ATG4C: variants seen among roughly 807,000 people sequenced by gnomAD.
ATG4C encodes the protein autophagy related 4C cysteine peptidase, also known as cysteine protease ATG4C.
Under a neutral mutation model 57.6 loss-of-function variants are expected in ATG4C, and 56 were observed. The ratio of observed to expected loss-of-function variants is 0.97; its 90% CI spans 0.78 to 1.21. The LOEUF is 1.21. ATG4C is among the 50% of genes most tolerant of loss of function. The pLI, the probability that ATG4C is intolerant of heterozygous loss-of-function variation, is 0.00. For synonymous variants in ATG4C, 157 were observed against 174.1 expected (o/e 0.90, Z 0.78); for missense variants, 595 against 529.8 (o/e 1.12, Z -1.21).
chr1:62,822,321 C>T (rs1665507883), intron 6 of ATG4C, among the ~76,000 whole-genome samples: 1 of 151,876 alleles, frequency 6.6e-6, no homozygotes, highest in Admixed American at 6.6e-5. Flanking sequence ...GTAATTATAG[C>T]CATAGGAAAA....
At chr1:62,805,301 A>C in intron 3 of ATG4C, 46 bp downstream of exon 3, 1 of 1,460,544 alleles carries the variant, frequency 6.8e-7, no homozygotes, top group African/African-American at 1.5e-5. Context: ...TGTAGAAATC[A>C]TCATGTAACT....
rs1403273838 is a variant in ATG4C at position 62,849,614 on chromosome 1, T to C, written c.1209+8067T>C. On this transcript the variant is annotated intron_variant, in intron 10 of 10. Coordinates refer to ENST00000317868, the MANE Select transcript of ATG4C (RefSeq NM_032852.4). ...GCAACCTCTGCCTCCCGGATTCTAG[T>C]GATTCTCATGCCTCAGCCTCCTGAG... Among the ~76,000 whole-genome samples, 6 of 151,922 alleles carry C rather than the reference T, an allele frequency of 3.9e-5. No homozygotes were observed. The South Asian group carries it at 8.3e-4, about 21-fold the overall frequency.
intron 10 of ATG4C, among the ~76,000 whole-genome samples, chr1:62,856,911 T>A: frequency 6.6e-6 from 1 of 152,184 alleles, no homozygotes; most frequent in South Asian, 2.1e-4. Flanking sequence ...CATGTGTTAA[T>A]TTGGCTTACA....
At chr1:62,838,326 T>C (rs1666058740) in intron 9 of ATG4C, among the ~76,000 whole-genome samples, 2 of 152,144 alleles carry the variant, frequency 1.3e-5, no homozygotes, top group Non-Finnish European at 2.9e-5. Context: ...ATTTTAAAAA[T>C]TAAAAAAAAT....
chr1:62,804,753 C>T, intron 2 of ATG4C, among the ~76,000 whole-genome samples: 1 of 152,138 alleles, frequency 6.6e-6, no homozygotes, highest in East Asian at 1.9e-4. Context: ...GAAAAAAGCT[C>T]ATATTCATAA....
intron 6 of ATG4C, among the ~76,000 whole-genome samples, chr1:62,826,284 G>A (rs551484537): frequency 6.7e-6 from 1 of 149,974 alleles, no homozygotes; most frequent in South Asian, 2.1e-4. Context: ...CACCCAGGCT[G>A]GAGTGCAGTG....
intron 3 of ATG4C, among the ~76,000 whole-genome samples, chr1:62,814,875 G>A (rs1207695670): frequency 6.6e-6 from 1 of 152,066 alleles, no homozygotes; most frequent in Non-Finnish European, 1.5e-5. Flanking sequence ...GAACAGCTTG[G>A]CCAACATGGA....
chr1:62,800,195 T>G (rs1378624228), intron 1 of ATG4C, among the ~76,000 whole-genome samples: 4 of 152,212 alleles, frequency 2.6e-5, no homozygotes, highest in Non-Finnish European at 5.9e-5. Context: ...GTGGCCTTCT[T>G]TCTTTCAGAC....
At chr1:62,839,424 AT>A (rs1276210096) in intron 9 of ATG4C, among the ~76,000 whole-genome samples, 1 of 152,224 alleles carries the variant, frequency 6.6e-6, no homozygotes, top group African/African-American at 2.4e-5. Context: ...TCAAAAATAT[AT>A]TATTAGACCA....
chr1:62,784,595 C>T (rs12067646), intron 1 of ATG4C, among the ~76,000 whole-genome samples: 34,982 of 152,050 alleles, frequency 0.23, 5,279 homozygotes, highest in African/African-American at 0.43. Flanking sequence ...TTTGACCCCT[C>T]CTCATGCCAG....
At chr1:62,812,168 A>C (rs1665106850) in intron 3 of ATG4C, among the ~76,000 whole-genome samples, 1 of 152,198 alleles carries the variant, frequency 6.6e-6, no homozygotes, top group Non-Finnish European at 1.5e-5. Flanking sequence ...AACACAACAA[A>C]AAAAGAAAAT....
intron 9 of ATG4C, among the ~76,000 whole-genome samples, chr1:62,835,159 A>C (rs1665959059): frequency 6.6e-6 from 1 of 151,446 alleles, no homozygotes; most frequent in Non-Finnish European, 1.5e-5. Context: ...AACAGTACTG[A>C]AGAATTTAAA....
At chr1:62,803,684 T>G (rs1391791481) in intron 1 of ATG4C, 35 bp from the exon 2 acceptor site, 1 of 661,412 alleles carries the variant, frequency 1.5e-6, no homozygotes, top group Non-Finnish European at 2.5e-6. Context: ...ACCATATATG[T>G]AGTAATTACT....
chr1:62,831,948 T>C (rs1313984913), intron 7 of ATG4C, among the ~76,000 whole-genome samples: 1 of 152,192 alleles, frequency 6.6e-6, no homozygotes, highest in Admixed American at 6.6e-5. Context: ...CTTTCTTTTC[T>C]CAGTTGTAAG....
At chr1:62,835,362 A>T in intron 9 of ATG4C, 1 of 341,086 alleles carries the variant, frequency 2.9e-6, no homozygotes, top group Non-Finnish European at 5.9e-6. Context: ...TTTATTTCTT[A>T]ACCTCTTCTT....
rs145208579 is a variant in ATG4C at position 62,830,369 on chromosome 1, C to T, written c.933+1193C>T. Among the ~76,000 whole-genome samples the T allele has an allele frequency of 5.9e-4, 89 of 152,118 alleles. 2 individuals carry two copies. Among genetic ancestry groups the T allele is most frequent in the African/African-American group, 2.0e-3 (85 of 41,506 alleles). On this transcript the variant is annotated intron_variant, in intron 7 of 10. Coordinates refer to ENST00000317868, the MANE Select transcript of ATG4C (RefSeq NM_032852.4). Reference sequence around the variant, plus strand: ...TTGTCATCTCTAGGTGGGTTCTAATCAAATCTGAACTGGATTCTTTTTTGC... The same window carrying T: ...TTGTCATCTCTAGGTGGGTTCTAATTAAATCTGAACTGGATTCTTTTTTGC...
At chr1:62,849,975 AAC>A (rs1666452985) in intron 10 of ATG4C, among the ~76,000 whole-genome samples, 1 of 152,216 alleles carries the variant, frequency 6.6e-6, no homozygotes. Flanking sequence ...AAAAATTTTT[AAC>A]ACAGAAGTTT....
chr1:62,820,915 T>C (rs1240626524), intron 5 of ATG4C, among the ~76,000 whole-genome samples: 2 of 152,042 alleles, frequency 1.3e-5, no homozygotes, highest in African/African-American at 4.8e-5. Flanking sequence ...ATGTATTTTG[T>C]AATTTGTGTT....
chr1:62,829,781 G>A (rs552629241), intron 7 of ATG4C, among the ~76,000 whole-genome samples: 3 of 152,120 alleles, frequency 2.0e-5, no homozygotes, highest in Admixed American at 6.5e-5. Context: ...TGGGCACCAA[G>A]ACATTCACAT....
Sources: gnomAD v4.1 joint callset for allele counts (sites outside exome capture counted in the v4.1 genomes callset) on GRCh38, gnomAD v4.1.1 for gene constraint, MANE v1.5 for transcripts, NCBI Gene and HGNC (gene_info 2026-07-23, HGNC 2026-07-21) for gene names.